Variants in ANKS1B observed in about 807,000 individuals in gnomAD.
ANKS1B encodes ankyrin repeat and sterile alpha motif domain-containing protein 1B.
Under a neutral mutation model 148.3 loss-of-function variants are expected in ANKS1B, and 36 were observed. The ratio of observed to expected loss-of-function variants is 0.24; its 90% CI spans 0.19 to 0.32. ANKS1B has a LOEUF of 0.32. Among genes scored for constraint, ANKS1B ranks in the 10% least tolerant of loss-of-function variants. The probability of loss-of-function intolerance (pLI) is 1.00; values close to 1 mark genes in which losing one functional copy is unlikely to be tolerated. For missense variants in ANKS1B, 1,157 were observed against 1,542.6 expected (o/e 0.75, Z 4.19); for synonymous variants, 542 against 560.8 (o/e 0.97, Z 0.47).
At chr12:99,786,785 T>A (rs1228493981) in intron 4 of ANKS1B, among the ~76,000 whole-genome samples, 1 of 152,144 alleles carries the variant, frequency 6.6e-6, no homozygotes, top group Non-Finnish European at 1.5e-5. Flanking sequence ...GGCCTCCAAA[T>A]ATTCCAGCAG....
intron 15 of ANKS1B, among the ~76,000 whole-genome samples, chr12:99,123,900 AATAC>A (rs1389099429): frequency 1.3e-5 from 2 of 152,168 alleles, no homozygotes; most frequent in Non-Finnish European, 2.9e-5. Context: ...ACCCAGGAAC[AATAC>A]ATTGCATCCT....
intron 8 of ANKS1B, among the ~76,000 whole-genome samples, chr12:99,744,276 A>G (rs2060386755): frequency 6.6e-6 from 1 of 152,232 alleles, no homozygotes; most frequent in Admixed American, 6.5e-5. Flanking sequence ...CAATCACATG[A>G]TAAGTCAATG....
rs1047239331 is a variant in ANKS1B at position 99,579,698 on chromosome 12, G to T, written c.1273-75057C>A. On this transcript the variant is annotated intron_variant, in intron 9 of 26. Transcript: ENST00000683438. ...GACTATTATTAAAAAGGCAAAAAAT[G>T]ACAGATGCTTGCAAAGTTACAGAGA... 2.0e-5 allele frequency among the ~76,000 whole-genome samples: 3 copies of T among 151,940 alleles called. No homozygotes were observed. The East Asian group carries it at 5.8e-4, about 29-fold the overall frequency.
intron 8 of ANKS1B, among the ~76,000 whole-genome samples, chr12:99,656,675 A>C (rs2153447489): frequency 6.6e-6 from 1 of 152,250 alleles, no homozygotes; most frequent in Middle Eastern, 3.4e-3. Context: ...AGGGTCAAAG[A>C]AATAAAGCAT....
intron 9 of ANKS1B, among the ~76,000 whole-genome samples, chr12:99,610,351 T>C (rs911829126): frequency 6.6e-6 from 1 of 152,086 alleles, no homozygotes; most frequent in Non-Finnish European, 1.5e-5. Flanking sequence ...TGTAGCATTC[T>C]TTCCTCATGG....
chr12:99,604,340 T>C (rs376207245), intron 9 of ANKS1B, among the ~76,000 whole-genome samples: 3 of 152,192 alleles, frequency 2.0e-5, no homozygotes, highest in East Asian at 3.9e-4. Flanking sequence ...TCCCATATAA[T>C]TTAGCATATC....
At chr12:99,303,800 T>C (rs558478150) in intron 12 of ANKS1B, among the ~76,000 whole-genome samples, 1 of 152,160 alleles carries the variant, frequency 6.6e-6, no homozygotes, top group East Asian at 1.9e-4. Context: ...TCCCCACAAG[T>C]CCCCAGAATT....
chr12:99,447,142 G>T (rs1815058199), intron 10 of ANKS1B, among the ~76,000 whole-genome samples: 2 of 151,970 alleles, frequency 1.3e-5, no homozygotes, highest in South Asian at 4.1e-4. Flanking sequence ...CAATGGAAAA[G>T]AACAGAAATC....
chr12:99,424,181 G>A (rs115813178), intron 11 of ANKS1B, among the ~76,000 whole-genome samples: 1,764 of 152,052 alleles, frequency 0.012, 39 homozygotes, highest in African/African-American at 0.037. Flanking sequence ...AGGGAAATAC[G>A]ATGTGTGATT....
At chr12:99,823,621 G>A (rs1009769172) in intron 2 of ANKS1B, among the ~76,000 whole-genome samples, 1 of 152,080 alleles carries the variant, frequency 6.6e-6, no homozygotes, top group African/African-American at 2.4e-5. Context: ...GTTTCTTTCT[G>A]TTGCAATTGC....
intron 8 of ANKS1B, among the ~76,000 whole-genome samples, chr12:99,749,397 G>A (rs1177713910): frequency 6.6e-6 from 1 of 152,068 alleles, no homozygotes; most frequent in African/African-American, 2.4e-5. Context: ...AACCAGTGTA[G>A]AGGAAAATCC....
At chr12:99,865,030 A>G (rs1388115326) in intron 1 of ANKS1B, among the ~76,000 whole-genome samples, 1 of 152,256 alleles carries the variant, frequency 6.6e-6, no homozygotes, top group Non-Finnish European at 1.5e-5. Flanking sequence ...CCAGGCAATA[A>G]GCATCAATGT....
intron 23 of ANKS1B, among the ~76,000 whole-genome samples, chr12:98,781,699 G>A (rs1566429317): frequency 2.0e-5 from 3 of 152,196 alleles, no homozygotes; most frequent in Non-Finnish European, 4.4e-5. Flanking sequence ...AAATAGGGAT[G>A]TAAAAGATAT....
intron 2 of ANKS1B, among the ~76,000 whole-genome samples, chr12:99,822,744 G>A (rs1173222903): frequency 6.6e-6 from 1 of 152,170 alleles, no homozygotes; most frequent in East Asian, 1.9e-4. Flanking sequence ...GTGCTGCAAT[G>A]AGCATGCAGG....
chr12:99,075,550 T>G (rs80278869), intron 16 of ANKS1B, among the ~76,000 whole-genome samples: 1 of 152,206 alleles, frequency 6.6e-6, no homozygotes, highest in Non-Finnish European at 1.5e-5. Flanking sequence ...TGACTTGCTG[T>G]CACTTCAACA....
At chr12:99,249,135 T>A (rs2074247541) in intron 12 of ANKS1B, among the ~76,000 whole-genome samples, 1 of 152,152 alleles carries the variant, frequency 6.6e-6, no homozygotes. Flanking sequence ...GAAGGAGGAA[T>A]TCTGAAATAA....
At chr12:99,202,421 C>T (rs191452892) in intron 14 of ANKS1B, among the ~76,000 whole-genome samples, 1 of 152,314 alleles carries the variant, frequency 6.6e-6, no homozygotes, top group Admixed American at 6.5e-5. Context: ...AGTCCTATCT[C>T]TCTGTTAAAA....
intron 15 of ANKS1B, among the ~76,000 whole-genome samples, chr12:99,090,491 T>C (rs2053647799): frequency 6.6e-6 from 1 of 152,190 alleles, no homozygotes; most frequent in Non-Finnish European, 1.5e-5. Context: ...TTTTGCTCTA[T>C]AATTAGCTAA....
At chr12:98,808,958 T>A (rs1037680485) in intron 19 of ANKS1B, among the ~76,000 whole-genome samples, 4 of 152,146 alleles carry the variant, frequency 2.6e-5, no homozygotes, top group African/African-American at 9.7e-5. Context: ...AAGAACTGTA[T>A]CATCAGCAAA....
Sources: gnomAD v4.1 joint callset for allele counts (sites outside exome capture counted in the v4.1 genomes callset) on GRCh38, gnomAD v4.1.1 for gene constraint, MANE v1.5 for transcripts, NCBI Gene and HGNC (gene_info 2026-07-23, HGNC 2026-07-21) for gene names.